CACFD1: variants seen among roughly 807,000 people sequenced by gnomAD.
The protein encoded by CACFD1 is calcium channel flower homolog.
In CACFD1, 26 loss-of-function variants were observed where a neutral mutation model predicts 21.3. That is an observed-to-expected ratio of 1.22 (90% CI 0.89 to 1.69). The LOEUF is 1.69. Ranked by LOEUF, CACFD1 falls within the 40% of genes most tolerant of loss-of-function variation. CACFD1 has a pLI of 0.00. For missense variants in CACFD1, 265 were observed against 236.2 expected (o/e 1.12, Z -0.80); for synonymous variants, 121 against 106.6 (o/e 1.13, Z -0.83).
chr9:133,465,254 C>G lies in CACFD1; in HGVS notation c.195-68C>G. The G allele has an allele frequency of 6.3e-7, 1 of 1,585,184 alleles. No homozygotes were observed. On this transcript the variant is annotated intron_variant, in intron 2 of 4. Transcript: ENST00000316948. The surrounding 1 kb of genome is among the most constrained non-coding windows in gnomAD (Gnocchi z 5.0). ...GAGGTGGCATTCCTTATGGCACTGG[C>G]ACTGGGGGCCGCCCTCATCCTCCTG...
At position 133,470,189 on chromosome 9, in the gene CACFD1, C is replaced by CCGTG. The variant is rs1008115148; in HGVS notation, c.*1536_*1537insCGTG. ...TCAGGCCAGTGCTGGGTTCAAAGGG[C>CCGTG]TGTGTGTGTGTGTGTGTGTGTGTGT... is the stretch of plus-strand genomic sequence containing the variant. On this transcript the variant is annotated 3_prime_UTR_variant, in exon 5 of 5. Coordinates refer to ENST00000316948, the MANE Select transcript of CACFD1 (RefSeq NM_017586.5). The CCGTG allele has an allele frequency of 6.7e-6, 1 of 149,640 alleles. No homozygotes were observed. Among genetic ancestry groups the CCGTG allele is most frequent in the African/African-American group, 2.5e-5 (1 of 40,550 alleles). 9.3% of individuals were successfully genotyped at this position (149,640 alleles called of 1,614,324 possible).
chr9:133,460,490 G>T (rs1843143187), intron 1 of CACFD1, among the ~76,000 whole-genome samples: 1 of 148,458 alleles, frequency 6.7e-6, no homozygotes, highest in Non-Finnish European at 1.5e-5. Context: ...CGGGGGTGGG[G>T]CACCGGCCTG....
chr9:133,464,260 G>C (rs1353749983), intron 2 of CACFD1, among the ~76,000 whole-genome samples: 1 of 152,246 alleles, frequency 6.6e-6, no homozygotes, highest in Non-Finnish European at 1.5e-5. Context: ...CCCGTCCCCA[G>C]TGACCTATGG....
chr9:133,468,350 G>A lies in CACFD1; in HGVS notation c.429-213G>A, dbSNP rs115524812. 2,275 of 1,535,746 alleles carry A rather than the reference G, an allele frequency of 1.5e-3. 30 individuals are homozygous for A. The African/African-American group carries it at 0.027, about 18-fold the overall frequency. On this transcript the variant is annotated intron_variant, in intron 4 of 4. Coordinates refer to ENST00000316948, the MANE Select transcript of CACFD1 (RefSeq NM_017586.5). The stretch of plus-strand genomic sequence containing the variant: ...CCCTCTCTCCTGCAGAGCCCAGACT[G>A]AGGCTGGTTCCTTCGCAGCCCAGCA...
rs1843234622 is a variant in CACFD1, at chr9:133,461,941, A to T, written c.122-1542A>T. On this transcript the variant is annotated intron_variant, in intron 1 of 4. Transcript: ENST00000316948. ...TGAGGGGATCAGAGAGAGTACCTGG[A>T]GAGGGTCTACCCTGGGTCCTAAGAG... 4 of 985,252 alleles carry T rather than the reference A, an allele frequency of 4.1e-6. No homozygotes were observed. In the South Asian group the frequency reaches 1.9e-4, roughly 46 times the overall value. 61.0% of individuals were successfully genotyped at this position (985,252 alleles called of 1,614,324 possible). A position where few individuals can be genotyped will look rare whatever the true frequency, so the allele number is the denominator to read the frequency against.
chr9:133,467,285 C>T (rs782283706), intron 3 of CACFD1, among the ~76,000 whole-genome samples: 15 of 152,162 alleles, frequency 9.9e-5, no homozygotes, highest in Non-Finnish European at 1.9e-4. Flanking sequence ...GCCCCGGGGA[C>T]GCTTAAGCCC....
In CACFD1 at chr9:133,469,012, G is replaced by A. The variant is rs931890039; in HGVS notation, c.*359G>A. The A allele has an allele frequency of 6.1e-6, 2 of 325,914 alleles. No individual in the cohort carries two copies. Among genetic ancestry groups the A allele is most frequent in the Non-Finnish European group, 1.1e-5 (2 of 178,468 alleles). The allele number at this position is 325,914 out of a possible 1,614,324, so 20.2% of individuals were successfully genotyped here. A position where few individuals can be genotyped will look rare whatever the true frequency, so the allele number is the denominator to read the frequency against. On this transcript the variant is annotated 3_prime_UTR_variant, in exon 5 of 5. Coordinates refer to ENST00000316948, the MANE Select transcript of CACFD1 (RefSeq NM_017586.5). ...TGCTGGTCCTGGCTTGAGGGGAGGG[G>A]CAAGTGGGACCCTGCCACCTGGGCA...
At position 133,465,484 on chromosome 9, in the gene CACFD1, C is replaced by T. The variant is rs192453828; in HGVS notation, c.320+37C>T. ...CTGGGCAGGGTCCCGTGACACAGTT[C>T]CCCAAAACCCCACTGACAAAATAGG... On this transcript the variant is annotated intron_variant, in intron 3 of 4. Transcript: ENST00000316948. The surrounding 1 kb of genome is among the most constrained non-coding windows in gnomAD (Gnocchi z 5.0). 96 of 1,572,434 alleles carry T rather than the reference C, an allele frequency of 6.1e-5. No homozygotes were observed. In the African/African-American group the frequency reaches 1.1e-3, roughly 18 times the overall value.
At chr9:133,461,415 C>T (rs750342110) in intron 1 of CACFD1, among the ~76,000 whole-genome samples, 12 of 152,214 alleles carry the variant, frequency 7.9e-5, no homozygotes, top group Non-Finnish European at 1.5e-4. Flanking sequence ...AGGGCAAGTA[C>T]GCTTTTGACT....
In CACFD1 at chr9:133,460,010, C is replaced by A. The variant is rs1554797817; in HGVS notation, c.-57C>A. On this transcript the variant is annotated 5_prime_UTR_variant, in exon 1 of 5. Transcript: ENST00000316948. ...CCACAAGGCAGCGCGCCGGCTCGGACGCGGCCGGCTACCGAGCCCTTTGTG... is the reference window on the plus strand; with the variant it reads ...CCACAAGGCAGCGCGCCGGCTCGGAAGCGGCCGGCTACCGAGCCCTTTGTG... The A allele has an allele frequency of 1.4e-6, 2 of 1,471,172 alleles. No homozygotes were observed. Among genetic ancestry groups the A allele is most frequent in the East Asian group, 2.7e-5 (1 of 36,530 alleles). The allele number at this position is 1,471,172 out of a possible 1,614,324, so 91.1% of individuals were successfully genotyped here.
rs1843654254 is a variant in CACFD1, at chr9:133,470,471, ATGG to A, written c.*1822_*1824del. 6.6e-6 allele frequency: 1 copy of A among 152,372 alleles called. No individual in the cohort carries two copies. The highest frequency in any genetic ancestry group is 1.5e-5 in the Non-Finnish European group (1 of 68,186). 9.4% of individuals were successfully genotyped at this position (152,372 alleles called of 1,614,324 possible). ...GGCTGCCCCTGTACCCTGTGGGGAAATGGTGGGTGCATGGCTGGATGCAGAGGT... is the reference window on the plus strand; with the variant it reads ...GGCTGCCCCTGTACCCTGTGGGGAAATGGGTGCATGGCTGGATGCAGAGGT... On this transcript the variant is annotated 3_prime_UTR_variant, in exon 5 of 5. Coordinates refer to ENST00000316948, the MANE Select transcript of CACFD1 (RefSeq NM_017586.5).
intron 3 of CACFD1, among the ~76,000 whole-genome samples, chr9:133,466,291 C>A (rs923745695): frequency 6.6e-6 from 1 of 152,220 alleles, no homozygotes; most frequent in African/African-American, 2.4e-5. Context: ...GAAATTCATT[C>A]ACAATAATTT....
chr9:133,468,816 G>A lies in CACFD1; in HGVS notation c.*163G>A. The A allele has an allele frequency of 8.0e-7, 1 of 1,255,690 alleles. No homozygotes were observed. The highest frequency in any genetic ancestry group is 1.6e-5 in the South Asian group (1 of 63,174). 77.8% of individuals were successfully genotyped at this position (1,255,690 alleles called of 1,614,324 possible). ...TTCTCCAGACTGGCTTAAGCCAGGA[G>A]CCACTGGCTGCTGGTGTGAGGGTCT... On this transcript the variant is annotated 3_prime_UTR_variant, in exon 5 of 5. Transcript: ENST00000316948.
At chr9:133,460,745 C>T (rs887898825) in intron 1 of CACFD1, among the ~76,000 whole-genome samples, 2 of 152,184 alleles carry the variant, frequency 1.3e-5, no homozygotes, top group Non-Finnish European at 2.9e-5. Flanking sequence ...CAGGTGGTGT[C>T]AGGGCACAGG....
chr9:133,460,312 G>GT, intron 1 of CACFD1, 125 bp downstream of exon 1: 1 of 890,484 alleles, frequency 1.1e-6, no homozygotes, highest in Non-Finnish European at 1.5e-6. Context: ...TCTGCCGGGC[G>GT]CCTCCCGGGG....
chr9:133,468,528 G>A, intron 4 of CACFD1, 35 bp from the exon 5 acceptor site: 1 of 1,555,768 alleles, frequency 6.4e-7, no homozygotes, highest in Non-Finnish European at 8.7e-7. Context: ...CATGGGGCTG[G>A]TGCTCCACGT....
At position 133,460,180 on chromosome 9, in the gene CACFD1, G is replaced by A. The variant is rs1554797999; in HGVS notation, c.114G>A (p.Gly38=). The A allele has an allele frequency of 4.5e-6, 7 of 1,552,546 alleles. No homozygotes were observed. The South Asian group carries it at 5.9e-5, about 13-fold the overall frequency. The change falls in exon 1 of 5, where the codon GGG becomes GGA. Residue 38 remains glycine (G), a synonymous_variant. Coordinates refer to ENST00000316948, the MANE Select transcript of CACFD1 (RefSeq NM_017586.5). Reference sequence around the variant, plus strand: ...TGTGTCGCCTGTCTGGGGTGCTGGGGGCAGTCTGTGAGTATCCAGTCGGGG... The same window carrying A: ...TGTGTCGCCTGTCTGGGGTGCTGGGAGCAGTCTGTGAGTATCCAGTCGGGG... ...RWLCRLSGVL[G]AVSCAISGLF...
intron 1 of CACFD1, 30 bp from the exon 2 acceptor site, chr9:133,463,453 C>T (rs1205665726): frequency 6.2e-7 from 1 of 1,613,704 alleles, no homozygotes; most frequent in Non-Finnish European, 8.5e-7. Flanking sequence ...TGCCTCCCTG[C>T]TGACTCCTGC....
chr9:133,468,984 A>G lies in CACFD1; in HGVS notation c.*331A>G. The G allele has an allele frequency of 2.7e-6, 1 of 371,956 alleles. No individual in the cohort carries two copies. Among genetic ancestry groups the G allele is most frequent in the Non-Finnish European group, 4.8e-6 (1 of 207,966 alleles). The allele number at this position is 371,956 out of a possible 1,614,324, so 23.0% of individuals were successfully genotyped here. A position where few individuals can be genotyped will look rare whatever the true frequency, so the allele number is the denominator to read the frequency against. On this transcript the variant is annotated 3_prime_UTR_variant, in exon 5 of 5. Transcript: ENST00000316948. ...GTGACCTGGGAGCAGCTTCCCCTGG[A>G]GATGCTGGTCCTGGCTTGAGGGGAG...
Sources: gnomAD v4.1 joint callset for allele counts (sites outside exome capture counted in the v4.1 genomes callset) on GRCh38, gnomAD v4.1.1 for gene constraint, Gnocchi (gnomAD v3.1) non-coding constraint, MANE v1.5 for transcripts, NCBI Gene and HGNC (gene_info 2026-07-23, HGNC 2026-07-21) for gene names.